ZFYVE28: variants seen among roughly 807,000 people sequenced by gnomAD.
ZFYVE28 encodes zinc finger FYVE-type containing 28.
Under a neutral mutation model 82.1 loss-of-function variants are expected in ZFYVE28, and 40 were observed. The observed-to-expected ratio is 0.49, with a 90% CI of 0.38 to 0.63. ZFYVE28 has a LOEUF of 0.63. ZFYVE28 is among the 30% of genes least tolerant of loss of function. The pLI is 0.00. For missense variants in ZFYVE28, 1,321 were observed against 1,242.1 expected (o/e 1.06, Z -0.96); for synonymous variants, 612 against 546.1 (o/e 1.12, Z -1.68).
intron 10 of ZFYVE28, 55 bp downstream of exon 10, chr4:2,273,118 G>T: frequency 7.1e-7 from 1 of 1,413,202 alleles, no homozygotes. Context: ...CTCCCTGTGG[G>T]CAGGGACACG....
chr4:2,337,565 G>T, intron 4 of ZFYVE28, 69 bp from the exon 5 acceptor site: 3 of 1,295,784 alleles, frequency 2.3e-6, no homozygotes, highest in Non-Finnish European at 3.2e-6. Flanking sequence ...ACAGAGTGGG[G>T]GGCATCTTCA....
At chr4:2,312,952 C>G (rs542365886) in intron 7 of ZFYVE28, among the ~76,000 whole-genome samples, 1 of 151,734 alleles carries the variant, frequency 6.6e-6, no homozygotes, top group Non-Finnish European at 1.5e-5. Context: ...GGCTGAGGCA[C>G]GAGAATCGCT....
intron 1 of ZFYVE28, among the ~76,000 whole-genome samples, chr4:2,396,328 T>C (rs533329396): frequency 3.4e-4 from 1 of 2,952 alleles, no homozygotes; most frequent in Non-Finnish European, 5.6e-4. Context: ...GGACACAAGG[T>C]GGGGGTGTCT....
chr4:2,412,622 T>C (rs1194185117), intron 1 of ZFYVE28, among the ~76,000 whole-genome samples: 1 of 152,190 alleles, frequency 6.6e-6, no homozygotes, highest in East Asian at 1.9e-4. Flanking sequence ...CATTTATTTT[T>C]CTTCAAATTG....
intron 2 of ZFYVE28, among the ~76,000 whole-genome samples, chr4:2,344,583 G>A (rs1457633761): frequency 6.6e-6 from 1 of 152,190 alleles, no homozygotes; most frequent in Admixed American, 6.5e-5. Flanking sequence ...AATTCACTAT[G>A]TCAGGTACCC....
rs555916679 is a variant in ZFYVE28, at chr4:2,354,008, C to T, written c.105G>A (p.Ala35=). 49 of 1,582,454 alleles carry T rather than the reference C, an allele frequency of 3.1e-5. No individual in the cohort carries two copies. The highest frequency in any genetic ancestry group is 1.7e-4 in the Middle Eastern group (1 of 6,004). Residue 35 remains alanine, a synonymous_variant, in exon 2 of 13, where the codon GCG becomes GCA. Transcript: ENST00000290974. ...TCCGCCCATCCAGGCTGTCCAGCTC[C>T]GCGGCCACCTGGTTCAGCTCCTCGT... is the stretch of plus-strand genomic sequence containing the variant. The part of the protein sequence containing the change: ...YADEELNQVA[A]ELDSLDGRKD...
chr4:2,272,693 G>C (rs1736018558), intron 10 of ZFYVE28, among the ~76,000 whole-genome samples: 1 of 152,234 alleles, frequency 6.6e-6, no homozygotes, highest in South Asian at 2.1e-4. Context: ...CCCCCATAGA[G>C]AGGCGGGTTC....
intron 8 of ZFYVE28, among the ~76,000 whole-genome samples, chr4:2,289,815 C>T (rs566765977): frequency 6.6e-6 from 1 of 152,106 alleles, no homozygotes; most frequent in Admixed American, 6.5e-5. Context: ...ACTTGGGGCT[C>T]AGGAGGTCCC....
chr4:2,330,766 G>T, intron 6 of ZFYVE28: 1 of 1,512,214 alleles, frequency 6.6e-7, no homozygotes. Flanking sequence ...GGACAGTGTG[G>T]CAGTAGGGAT....
chr4:2,399,097 G>A (rs1174730644), intron 1 of ZFYVE28, among the ~76,000 whole-genome samples: 2 of 22,912 alleles, frequency 8.7e-5, no homozygotes, highest in Non-Finnish European at 1.5e-4. Context: ...TGAGATCCAG[G>A]GCACAAGCTG....
intron 8 of ZFYVE28, among the ~76,000 whole-genome samples, chr4:2,282,496 G>GA (rs1712098927): frequency 6.6e-6 from 1 of 152,210 alleles, no homozygotes; most frequent in Admixed American, 6.5e-5. Context: ...GAGATGTTGG[G>GA]AACATGGAAC....
rs548489640 is a variant in ZFYVE28 at position 2,394,706 on chromosome 4, G to C, written c.39+23579C>G. Among the ~76,000 whole-genome samples the C allele has an allele frequency of 2.0e-5, 3 of 152,354 alleles. No individual in the cohort carries two copies. Among genetic ancestry groups the C allele is most frequent in the African/African-American group, 7.2e-5 (3 of 41,596 alleles). ...ACACAGGTCTGCGATCCGATCCTGT[G>C]AACAGGCACCACTCTGCGCAGCTGC... is the stretch of plus-strand genomic sequence containing the variant. On this transcript the variant is annotated intron_variant, in intron 1 of 12. Transcript: ENST00000290974. The surrounding 1 kb of genome is among the most constrained non-coding windows in gnomAD (Gnocchi z 4.0).
chr4:2,416,499 C>T lies in ZFYVE28; in HGVS notation c.39+1786G>A, dbSNP rs1014380033. Among the ~76,000 whole-genome samples, 1 of 152,188 alleles carries T rather than the reference C, an allele frequency of 6.6e-6. No homozygotes were observed. ...ATAATGCTGCTGCACGCCCCCAAAA[C>T]GCCGTTTTACAAGCAGACTTGGTTT... On this transcript the variant is annotated intron_variant, in intron 1 of 12. Transcript: ENST00000290974. This position sits in a 1 kb window ranked among gnomAD's most constrained non-coding sequence, Gnocchi z 4.6.
At chr4:2,283,865 C>G (rs752778015) in intron 8 of ZFYVE28, among the ~76,000 whole-genome samples, 1 of 152,074 alleles carries the variant, frequency 6.6e-6, no homozygotes, top group Non-Finnish European at 1.5e-5. Context: ...TGAATGAAAG[C>G]CAAGAGGTGG....
chr4:2,412,042 C>T (rs908271550), intron 1 of ZFYVE28, among the ~76,000 whole-genome samples: 1 of 152,204 alleles, frequency 6.6e-6, no homozygotes, highest in African/African-American at 2.4e-5. Flanking sequence ...GGCAGCATCT[C>T]CCCCCTGGGG....
chr4:2,329,151 C>T (rs1720307380), intron 6 of ZFYVE28: 1 of 695,818 alleles, frequency 1.4e-6, no homozygotes, highest in Non-Finnish European at 2.6e-6. Flanking sequence ...TTCTGCAAAA[C>T]AAAAAGGCCA....
At chr4:2,400,863 C>T (rs1161323734) in intron 1 of ZFYVE28, among the ~76,000 whole-genome samples, 2 of 152,158 alleles carry the variant, frequency 1.3e-5, no homozygotes, top group Non-Finnish European at 2.9e-5. Flanking sequence ...ATGTTAACAT[C>T]CTTTGGCAGC....
chr4:2,278,366 T>C (rs1736671800), intron 8 of ZFYVE28, among the ~76,000 whole-genome samples: 1 of 152,038 alleles, frequency 6.6e-6, no homozygotes, highest in Non-Finnish European at 1.5e-5. Flanking sequence ...TTTTGCATTT[T>C]TAGCGGAGAT....
chr4:2,305,337 T>C lies in ZFYVE28; in HGVS notation c.1003A>G (p.Met335Val), dbSNP rs756422133. 3 of 1,613,132 alleles carry C rather than the reference T, an allele frequency of 1.9e-6. No individual in the cohort carries two copies. The highest frequency in any genetic ancestry group is 2.2e-5 in the South Asian group (2 of 91,086). ...TCCAGCTCCTGGTCGTCGTACTGCA[T>C]GGAGCAGGCCAGCTCTGCATCCGGG... ...KDPDAELACS[M>V]QYDDQELEQL... Residue 335 changes from methionine to valine, a missense_variant, in exon 8 of 13, where the codon ATG becomes GTG. By Grantham distance (21) the Met-to-Val change is conservative. This residue lies in a region of ZFYVE28 where 978 missense variants were observed against 833.7 expected (regional missense o/e 1.17). Coordinates refer to ENST00000290974, the MANE Select transcript of ZFYVE28 (RefSeq NM_020972.3).
Sources: gnomAD v4.1 joint callset for allele counts (sites outside exome capture counted in the v4.1 genomes callset) on GRCh38, gnomAD v4.1.1 for gene constraint, gnomAD v4.1.1 regional missense constraint, Gnocchi (gnomAD v3.1) non-coding constraint, MANE v1.5 for transcripts, NCBI Gene and HGNC (gene_info 2026-07-23, HGNC 2026-07-21) for gene names.